Variants in SH3GL2 observed in about 807,000 individuals in gnomAD.
SH3GL2 encodes SH3 domain containing GRB2 like 2, endophilin A1.
A neutral mutation model predicts 46.0 loss-of-function variants in SH3GL2; 24 were observed. The ratio of observed to expected loss-of-function variants is 0.52; its 90% CI spans 0.38 to 0.73. The LOEUF (loss-of-function observed/expected upper bound fraction) is 0.73. Ranked by LOEUF, SH3GL2 falls within the 30% of genes least tolerant of loss-of-function variation. SH3GL2 has a pLI of 0.00. For missense variants in SH3GL2, 413 were observed against 424.2 expected (o/e 0.97, Z 0.23); for synonymous variants, 196 against 147.1 (o/e 1.33, Z -2.40).
At chr9:17,786,717 T>C (rs1389142267) in intron 4 of SH3GL2, among the ~76,000 whole-genome samples, 193 bp downstream of exon 4, 1 of 152,156 alleles carries the variant, frequency 6.6e-6, no homozygotes, top group Non-Finnish European at 1.5e-5. Context: ...TTACAAGTTT[T>C]CTTCCCACCC....
intron 1 of SH3GL2, among the ~76,000 whole-genome samples, chr9:17,622,168 GA>G (rs1280694263): frequency 6.6e-6 from 1 of 152,066 alleles, no homozygotes; most frequent in African/African-American, 2.4e-5. Context: ...GAGTTGTTTT[GA>G]AAATTTATTA....
intron 1 of SH3GL2, among the ~76,000 whole-genome samples, chr9:17,586,449 G>A (rs779743670): frequency 1.4e-4 from 21 of 152,104 alleles, no homozygotes; most frequent in Non-Finnish European, 2.6e-4. Flanking sequence ...ACTAATGGAA[G>A]CAGTTTTATA....
At chr9:17,679,578 G>A (rs1411250723) in intron 1 of SH3GL2, among the ~76,000 whole-genome samples, 1 of 152,080 alleles carries the variant, frequency 6.6e-6, no homozygotes, top group Non-Finnish European at 1.5e-5. Flanking sequence ...CTGCAAACAG[G>A]GACAATTTGA....
At chr9:17,667,842 C>T (rs569144582) in intron 1 of SH3GL2, among the ~76,000 whole-genome samples, 1 of 152,238 alleles carries the variant, frequency 6.6e-6, no homozygotes, top group African/African-American at 2.4e-5. Context: ...TTGACTATAA[C>T]CATCTTATTG....
At chr9:17,683,151 A>G (rs1253788430) in intron 1 of SH3GL2, among the ~76,000 whole-genome samples, 2 of 152,232 alleles carry the variant, frequency 1.3e-5, no homozygotes, top group East Asian at 3.9e-4. Context: ...AGCTAGTAAG[A>G]AAAAGACTGA....
rs551338141 is a variant in SH3GL2, at chr9:17,788,862, C to T, written c.466-530C>T. Among the ~76,000 whole-genome samples, 129 of 152,198 alleles carry T rather than the reference C, an allele frequency of 8.5e-4. 1 individual carries two copies. Among genetic ancestry groups the T allele is most frequent in the African/African-American group, 2.5e-3 (106 of 41,572 alleles). ...ATTCCTAGGCCCCCACCCTAGATAT[C>T]GATTCAAGAGCTCAGGAATCCATAT... is the stretch of plus-strand genomic sequence containing the variant. On this transcript the variant is annotated intron_variant, in intron 5 of 8. Transcript: ENST00000380607.
intron 1 of SH3GL2, among the ~76,000 whole-genome samples, chr9:17,608,307 C>T (rs1416180039): frequency 6.6e-6 from 1 of 152,022 alleles, no homozygotes; most frequent in African/African-American, 2.4e-5. Flanking sequence ...ACCACCACAC[C>T]TGGCTAAATT....
At position 17,583,502 on chromosome 9, in the gene SH3GL2, A is replaced by G. The variant is rs78169069; in HGVS notation, c.45+4215A>G. ...AAAGGGTGGGCCCTAGCCAGGCACA[A>G]ATCTGTTAGTGCCTTCATCTTGGAC... On this transcript the variant is annotated intron_variant, in intron 1 of 8. Coordinates refer to ENST00000380607, the MANE Select transcript of SH3GL2 (RefSeq NM_003026.5). Among the ~76,000 whole-genome samples the G allele has an allele frequency of 7.8e-3, 1,194 of 152,330 alleles. 17 individuals carry two copies. Among genetic ancestry groups the G allele is most frequent in the African/African-American group, 0.028 (1,164 of 41,580 alleles).
At chr9:17,766,387 C>A (rs1823318689) in intron 3 of SH3GL2, among the ~76,000 whole-genome samples, 1 of 152,204 alleles carries the variant, frequency 6.6e-6, no homozygotes, top group Non-Finnish European at 1.5e-5. Flanking sequence ...TGCACAAATT[C>A]CATTCTACTG....
intron 1 of SH3GL2, among the ~76,000 whole-genome samples, chr9:17,593,278 A>G (rs1350427799): frequency 6.6e-6 from 1 of 151,754 alleles, no homozygotes; most frequent in Non-Finnish European, 1.5e-5. Context: ...GAAGCACAGG[A>G]CTGTGCTTGT....
chr9:17,615,799 A>G (rs553527537), intron 1 of SH3GL2, among the ~76,000 whole-genome samples: 13 of 151,296 alleles, frequency 8.6e-5, no homozygotes, highest in African/African-American at 2.7e-4. Context: ...TTTATTTTCT[A>G]TAGGAAAATT....
chr9:17,682,788 C>T (rs2118058227), intron 1 of SH3GL2, among the ~76,000 whole-genome samples: 1 of 152,048 alleles, frequency 6.6e-6, no homozygotes, highest in East Asian at 1.9e-4. Context: ...AGCATTTTAA[C>T]TAGCATCCTA....
intron 3 of SH3GL2, among the ~76,000 whole-genome samples, chr9:17,768,370 CAAAAAAAA>C (rs34891273): frequency 1.9e-4 from 13 of 67,224 alleles, no homozygotes; most frequent in Non-Finnish European, 4.0e-4. Flanking sequence ...GACTCTGTCT[CAAAAAAAA>C]AAAAAAAAAA....
intron 1 of SH3GL2, among the ~76,000 whole-genome samples, chr9:17,706,983 T>TTATA (rs1821488465): frequency 6.6e-6 from 1 of 151,912 alleles, no homozygotes; most frequent in African/African-American, 2.4e-5. Context: ...TTTAGGCAAT[T>TTATA]TGTATATATA....
chr9:17,774,360 G>A (rs577836207), intron 3 of SH3GL2, among the ~76,000 whole-genome samples: 5 of 152,156 alleles, frequency 3.3e-5, no homozygotes, highest in Admixed American at 6.5e-5. Flanking sequence ...TCATTGTCTC[G>A]TTACTGATCT....
intron 1 of SH3GL2, among the ~76,000 whole-genome samples, chr9:17,709,508 C>T (rs1435720449): frequency 1.3e-5 from 2 of 151,848 alleles, no homozygotes; most frequent in Admixed American, 6.6e-5. Flanking sequence ...GGCTGTGTAT[C>T]ATTGGTCTCT....
chr9:17,758,153 C>T (rs1823054802), intron 2 of SH3GL2, among the ~76,000 whole-genome samples: 1 of 152,162 alleles, frequency 6.6e-6, no homozygotes, highest in Admixed American at 6.5e-5. Context: ...TAAAGAGCTC[C>T]TTTCCCTTCT....
At chr9:17,760,415 T>C (rs1054532692) in intron 2 of SH3GL2, among the ~76,000 whole-genome samples, 1 of 151,976 alleles carries the variant, frequency 6.6e-6, no homozygotes, top group Non-Finnish European at 1.5e-5. Flanking sequence ...AAGGCTGATA[T>C]TATATACCGG....
intron 5 of SH3GL2, among the ~76,000 whole-genome samples, chr9:17,789,003 C>T (rs1055520533): frequency 1.1e-4 from 17 of 152,164 alleles, no homozygotes; most frequent in African/African-American, 4.1e-4. Flanking sequence ...TCATGAGATA[C>T]CATTTCTCTT....
Sources: allele counts gnomAD v4.1 joint callset (sites outside exome capture counted in the v4.1 genomes callset), GRCh38; gene constraint gnomAD v4.1.1; transcripts MANE v1.5; gene names NCBI Gene and HGNC (gene_info 2026-07-23, HGNC 2026-07-21).